Variants in SNTG1 observed in about 807,000 individuals in gnomAD.
The protein encoded by SNTG1 is gamma-1-syntrophin.
In SNTG1, 39 loss-of-function variants were observed where a neutral mutation model predicts 74.7. That is an observed-to-expected ratio of 0.52 (90% CI 0.40 to 0.68). The LOEUF (loss-of-function observed/expected upper bound fraction) is 0.68, where lower values mean the gene tolerates loss of function less well. Ranked by LOEUF, SNTG1 falls within the 30% of genes least tolerant of loss-of-function variation. The probability of loss-of-function intolerance (pLI) is 0.00; values close to 1 mark genes in which losing one functional copy is unlikely to be tolerated. For synonymous variants in SNTG1, 254 were observed against 217.1 expected, an observed-to-expected ratio of 1.17 and a Z score of -1.49; for missense variants, 685 against 609.5, an observed-to-expected ratio of 1.12 and a Z score of -1.30.
At chr8:50,053,608 T>C (rs956806527) in intron 1 of SNTG1, among the ~76,000 whole-genome samples, 2 of 142,296 alleles carry the variant, frequency 1.4e-5, no homozygotes, top group African/African-American at 5.3e-5. Flanking sequence ...TATGCATATA[T>C]ATAAATATAT....
At chr8:50,605,715 A>T (rs2094807386) in intron 13 of SNTG1, among the ~76,000 whole-genome samples, 1 of 152,206 alleles carries the variant, frequency 6.6e-6, no homozygotes, top group East Asian at 1.9e-4. Context: ...GTTATTGTTC[A>T]CCTGATTTTT....
intron 2 of SNTG1, among the ~76,000 whole-genome samples, chr8:50,294,850 AG>A (rs1276662243): frequency 6.6e-6 from 1 of 152,200 alleles, no homozygotes; most frequent in African/African-American, 2.4e-5. Context: ...AAAATTAGTA[AG>A]GAGGTCAGTG....
intron 1 of SNTG1, among the ~76,000 whole-genome samples, chr8:49,966,867 G>A (rs1811187273): frequency 4.6e-5 from 7 of 151,944 alleles, no homozygotes; most frequent in Admixed American, 4.6e-4. Flanking sequence ...TGTATATCTA[G>A]CATATATTAA....
At chr8:50,015,650 T>C (rs1816238107) in intron 1 of SNTG1, among the ~76,000 whole-genome samples, 1 of 152,064 alleles carries the variant, frequency 6.6e-6, no homozygotes, top group Non-Finnish European at 1.5e-5. Context: ...CAAAAGTAAT[T>C]GTGGTTTCAG....
At chr8:50,481,998 C>T (rs973975465) in intron 8 of SNTG1, among the ~76,000 whole-genome samples, 1 of 152,182 alleles carries the variant, frequency 6.6e-6, no homozygotes, top group Admixed American at 6.5e-5. Context: ...CATATTTATT[C>T]AGTCCCCGGT....
chr8:50,487,393 A>C (rs574558994), intron 8 of SNTG1, among the ~76,000 whole-genome samples: 2 of 152,148 alleles, frequency 1.3e-5, no homozygotes, highest in African/African-American at 4.8e-5. Flanking sequence ...GCACACGTTT[A>C]TTTATTGTGG....
At chr8:50,758,781 A>T (rs1025494681) in intron 18 of SNTG1, among the ~76,000 whole-genome samples, 6 of 152,060 alleles carry the variant, frequency 3.9e-5, no homozygotes, top group African/African-American at 1.4e-4. Context: ...AGCAATAAAC[A>T]TATGTGGGCA....
At chr8:50,090,276 C>T (rs1390701125) in intron 1 of SNTG1, among the ~76,000 whole-genome samples, 3 of 152,270 alleles carry the variant, frequency 2.0e-5, no homozygotes, top group Middle Eastern at 3.4e-3. Context: ...AATTGGTTGG[C>T]TCACGACTTG....
At chr8:50,534,392 G>A (rs936189374) in intron 10 of SNTG1, among the ~76,000 whole-genome samples, 1 of 152,074 alleles carries the variant, frequency 6.6e-6, no homozygotes, top group Non-Finnish European at 1.5e-5. Context: ...TCTCTGGCCT[G>A]GTCACAGAAA....
At chr8:50,368,499 G>A (rs919534554) in intron 2 of SNTG1, among the ~76,000 whole-genome samples, 1 of 152,154 alleles carries the variant, frequency 6.6e-6, no homozygotes, top group Non-Finnish European at 1.5e-5. Flanking sequence ...GAGTGCAACT[G>A]AATCACCCTT....
intron 1 of SNTG1, among the ~76,000 whole-genome samples, chr8:50,106,086 C>T (rs2080358986): frequency 6.6e-6 from 1 of 152,012 alleles, no homozygotes; most frequent in Non-Finnish European, 1.5e-5. Context: ...TCGTACACTG[C>T]TATAAATAAC....
intron 4 of SNTG1, among the ~76,000 whole-genome samples, chr8:50,436,339 T>A (rs888740838): frequency 6.6e-6 from 1 of 152,170 alleles, no homozygotes; most frequent in Admixed American, 6.6e-5. Flanking sequence ...TAGTCACGAT[T>A]TAATTCACCT....
intron 2 of SNTG1, among the ~76,000 whole-genome samples, chr8:50,308,759 G>T (rs1201324224): frequency 6.6e-6 from 1 of 152,092 alleles, no homozygotes; most frequent in Non-Finnish European, 1.5e-5. Flanking sequence ...TTTCCCAATT[G>T]TCCATAGATA....
intron 15 of SNTG1, among the ~76,000 whole-genome samples, chr8:50,703,444 C>T (rs1156993209): frequency 5.9e-5 from 9 of 152,140 alleles, no homozygotes; most frequent in East Asian, 5.8e-4. Context: ...GGCAATAACA[C>T]GCATGGAGCT....
intron 9 of SNTG1, among the ~76,000 whole-genome samples, chr8:50,526,644 C>T (rs1026058651): frequency 1.5e-4 from 5 of 33,842 alleles, no homozygotes; most frequent in Admixed American, 3.9e-4. Flanking sequence ...CATATATACA[C>T]GCATATATAT....
At chr8:50,075,173 G>A (rs529458581) in intron 1 of SNTG1, among the ~76,000 whole-genome samples, 8 of 152,264 alleles carry the variant, frequency 5.3e-5, no homozygotes, top group Admixed American at 2.0e-4. Context: ...CTGGGCAGCC[G>A]GAGCCTCCCC....
chr8:50,716,961 C>T (rs1258737387), intron 17 of SNTG1, among the ~76,000 whole-genome samples: 1 of 152,066 alleles, frequency 6.6e-6, no homozygotes, highest in African/African-American at 2.4e-5. Flanking sequence ...TGGACTCGAT[C>T]TCCTGACCTC....
At chr8:50,532,639 C>A (rs2094278368) in intron 10 of SNTG1, among the ~76,000 whole-genome samples, 1 of 152,152 alleles carries the variant, frequency 6.6e-6, no homozygotes. Flanking sequence ...CGTGCTGTTC[C>A]TTCTGTATCT....
rs973305543 is a variant in SNTG1 at position 49,967,611 on chromosome 8, A to T, written c.-103+55380A>T. Among the ~76,000 whole-genome samples the T allele has an allele frequency of 3.9e-5, 6 of 152,172 alleles. 1 individual carries two copies. Among genetic ancestry groups the T allele is most frequent in the African/African-American group, 1.4e-4 (6 of 41,442 alleles). On this transcript the variant is annotated intron_variant, in intron 1 of 18. Transcript: ENST00000642720. ...TTTGGACAGGAAAAAAAGTTCAGTA[A>T]ATATAATTTTTAGCCTTTTCTCAAC...
Sources: gnomAD v4.1 joint callset for allele counts (sites outside exome capture counted in the v4.1 genomes callset) on GRCh38, gnomAD v4.1.1 for gene constraint, MANE v1.5 for transcripts, NCBI Gene and HGNC (gene_info 2026-07-23, HGNC 2026-07-21) for gene names.